PRH1: variants seen among roughly 807,000 people sequenced by gnomAD.
PRH1 encodes proline rich protein HaeIII subfamily 1, also known as salivary acidic proline-rich phosphoprotein 1/2.
Under a neutral mutation model 7.9 loss-of-function variants are expected in PRH1, and 7 were observed. The ratio of observed to expected loss-of-function variants is 0.89; its 90% CI spans 0.50 to 1.67. PRH1 has a LOEUF of 1.67. PRH1 is among the 40% of genes most tolerant of loss of function. PRH1 has a pLI of 0.00. For missense variants in PRH1, 109 were observed against 223.6 expected (o/e 0.49, Z 3.27); for synonymous variants, 45 against 80.8 (o/e 0.56, Z 2.38).
intron 1 of PRH1, among the ~76,000 whole-genome samples, chr12:11,019,076 G>C (rs1376510696): frequency 6.6e-5 from 10 of 152,272 alleles, no homozygotes; most frequent in Non-Finnish European, 1.5e-4. Flanking sequence ...AGCCACCAAG[G>C]GGTTGGATAA....
In PRH1 at chr12:10,883,122, G is replaced by A. The variant is rs1555098519; in HGVS notation, c.65-26C>T. ...CTAGAAAAGAAGTACAGGATGATGG[G>A]AAAAGTTACTTCCTGAATCATTCAA... On this transcript the variant is annotated intron_variant, in intron 1 of 3. Transcript: ENST00000543626. 3.5e-5 allele frequency: 57 copies of A among 1,610,718 alleles called. No homozygotes were observed. In the South Asian group the frequency reaches 6.2e-4, roughly 17 times the overall value.
intron 2 of PRH1, among the ~76,000 whole-genome samples, chr12:10,955,725 A>G (rs1441394452): frequency 6.6e-6 from 1 of 152,148 alleles, no homozygotes; most frequent in Non-Finnish European, 1.5e-5. Context: ...AATAAACCCA[A>G]TCAAAAATGA....
At chr12:11,018,959 A>G (rs1441528841) in intron 1 of PRH1, among the ~76,000 whole-genome samples, 1 of 143,816 alleles carries the variant, frequency 7.0e-6, no homozygotes, top group Non-Finnish European at 1.6e-5. Context: ...AGTTAAGTAG[A>G]AAGCGGGGAA....
At chr12:11,074,722 C>G (rs1434335884) in intron 1 of PRH1, among the ~76,000 whole-genome samples, 1 of 114,898 alleles carries the variant, frequency 8.7e-6, no homozygotes, top group Non-Finnish European at 2.1e-5. Flanking sequence ...CCCAAACAGC[C>G]ACCAAGGGGT....
intron 2 of PRH1, among the ~76,000 whole-genome samples, chr12:10,902,641 A>G (rs1949739082): frequency 6.6e-6 from 1 of 152,118 alleles, no homozygotes; most frequent in South Asian, 2.1e-4. Flanking sequence ...GATCACATAC[A>G]AAGGGAACCC....
chr12:11,010,536 TG>T (rs1941018406), intron 1 of PRH1, among the ~76,000 whole-genome samples: 1 of 151,978 alleles, frequency 6.6e-6, no homozygotes, highest in Non-Finnish European at 1.5e-5. Flanking sequence ...TACTTGATAT[TG>T]TTTCATTTTA....
At chr12:10,975,248 G>A (rs1939030263) in intron 1 of PRH1, among the ~76,000 whole-genome samples, 1 of 152,206 alleles carries the variant, frequency 6.6e-6, no homozygotes, top group South Asian at 2.1e-4. Context: ...CAAACAGAAA[G>A]AGAATGGGGG....
At chr12:10,953,513 CAG>C (rs1937790585) in intron 2 of PRH1, among the ~76,000 whole-genome samples, 1 of 152,114 alleles carries the variant, frequency 6.6e-6, no homozygotes, top group South Asian at 2.1e-4. Context: ...GAAAGAATCT[CAG>C]AGCTCAAGAG....
intron 1 of PRH1, among the ~76,000 whole-genome samples, chr12:11,039,134 AAAATAT>A (rs1297771075): frequency 2.6e-5 from 4 of 152,268 alleles, no homozygotes; most frequent in African/African-American, 7.2e-5. Context: ...TGTCCATGGG[AAAATAT>A]AAATATATTA....
chr12:11,019,786 A>G lies in PRH1; in HGVS notation c.-126+27234T>C, dbSNP rs74062421. ...GTATCAGCAAAGCATTGAAGGCAGC[A>G]TAAGTCATACTGAAGGAGAAAGAGA... is the stretch of plus-strand genomic sequence containing the variant. On this transcript the variant is annotated intron_variant, in intron 1 of 3. Transcript: ENST00000539853. Among the ~76,000 whole-genome samples the G allele has an allele frequency of 6.6e-3, 1,000 of 152,366 alleles. 13 individuals are homozygous for G. Among genetic ancestry groups the G allele is most frequent in the African/African-American group, 0.023 (954 of 41,556 alleles).
intron 2 of PRH1, among the ~76,000 whole-genome samples, chr12:10,902,657 GGCCAAGTATATA>G (rs1233025549): frequency 6.6e-6 from 1 of 152,090 alleles, no homozygotes; most frequent in African/African-American, 2.4e-5. Context: ...AACCCCATAA[GGCCAAGTATATA>G]GCTCAGCAGA....
downstream of PRH1, among the ~76,000 whole-genome samples, chr12:11,116,764 T>G (rs1373362911): frequency 6.6e-6 from 1 of 152,108 alleles, no homozygotes; most frequent in Non-Finnish European, 1.5e-5. Context: ...CAAGGATAGT[T>G]CAACATACAC....
chr12:11,167,934 A>G (rs1327022647), intron 1 of PRH1, among the ~76,000 whole-genome samples: 1 of 152,054 alleles, frequency 6.6e-6, no homozygotes, highest in Non-Finnish European at 1.5e-5. Flanking sequence ...TGGTTTAAAA[A>G]ATGTCTCAAT....
At chr12:10,982,156 T>A (rs2135972619) in intron 1 of PRH1, among the ~76,000 whole-genome samples, 1 of 152,270 alleles carries the variant, frequency 6.6e-6, no homozygotes, top group South Asian at 2.1e-4. Flanking sequence ...TCCTGACCTG[T>A]ATACCAAGGG....
intron 1 of PRH1, chr12:10,986,363 C>T (rs774705878): frequency 6.2e-7 from 1 of 1,613,900 alleles, no homozygotes. Context: ...TCCTCAATTT[C>T]ATCTTCCCAG....
intron 1 of PRH1, among the ~76,000 whole-genome samples, chr12:11,086,222 T>C (rs1256224024): frequency 6.8e-6 from 1 of 147,052 alleles, no homozygotes; most frequent in African/African-American, 2.5e-5. Flanking sequence ...TTATCAAGCT[T>C]AATGTCTCAT....
At chr12:10,903,114 C>T (rs1009472663) in intron 2 of PRH1, among the ~76,000 whole-genome samples, 3 of 152,054 alleles carry the variant, frequency 2.0e-5, no homozygotes, top group Non-Finnish European at 4.4e-5. Context: ...TCAAGAGACC[C>T]ATCTCACATG....
intron 1 of PRH1, among the ~76,000 whole-genome samples, chr12:10,976,092 A>G (rs1363459572): frequency 6.6e-6 from 1 of 152,170 alleles, no homozygotes; most frequent in Non-Finnish European, 1.5e-5. Flanking sequence ...ACCACAGAAC[A>G]GTTCACCCCA....
At chr12:11,104,565 T>G (rs1945356694) in intron 1 of PRH1, among the ~76,000 whole-genome samples, 1 of 151,676 alleles carries the variant, frequency 6.6e-6, no homozygotes, top group African/African-American at 2.4e-5. Flanking sequence ...TTCCACTGTA[T>G]AAGTATGCCA....
Sources: allele counts gnomAD v4.1 joint callset (sites outside exome capture counted in the v4.1 genomes callset), GRCh38; gene constraint gnomAD v4.1.1; transcripts MANE v1.5; gene names NCBI Gene and HGNC (gene_info 2026-07-23, HGNC 2026-07-21).